ATPAF2: variants seen among roughly 807,000 people sequenced by gnomAD.
The protein encoded by ATPAF2 is ATP synthase mitochondrial F1 complex assembly factor 2, also known as ATP12 homolog.
ATPAF2 carries 30 observed loss-of-function variants against 36.6 expected under a neutral mutation model. That is an observed-to-expected ratio of 0.82 (90% confidence interval 0.61 to 1.11). The LOEUF (loss-of-function observed/expected upper bound fraction) is 1.11, where lower values mean the gene tolerates loss of function less well. Ranked by LOEUF, ATPAF2 falls within the 50% of genes most tolerant of loss-of-function variation. ATPAF2 has a pLI of 0.00. For synonymous variants in ATPAF2, 140 were observed against 152.6 expected, an observed-to-expected ratio of 0.92 and a Z score of 0.61; for missense variants, 321 against 372.3, an observed-to-expected ratio of 0.86 and a Z score of 1.13.
chr17:18,020,108 TTTTG>T (rs60778568), intron 7 of ATPAF2, among the ~76,000 whole-genome samples: 5 of 151,434 alleles, frequency 3.3e-5, no homozygotes, highest in African/African-American at 4.9e-5. Flanking sequence ...TTTTGTGTTT[TTTTG>T]TTTGTTTGTT....
chr17:18,027,960 G>A, intron 3 of ATPAF2: 1 of 493,040 alleles, frequency 2.0e-6, no homozygotes, highest in Non-Finnish European at 3.7e-6. Flanking sequence ...TAGAAAATAA[G>A]AGAGCTGGGC....
chr17:18,016,139 C>T (rs770452171), downstream of ATPAF2: 14 of 1,613,754 alleles, frequency 8.7e-6, no homozygotes, highest in Admixed American at 6.7e-5. Flanking sequence ...GATTGACAAT[C>T]GAGAAGATGA....
chr17:18,024,481 A>C lies in ATPAF2; in HGVS notation c.503+143T>G. ...GGATGACCCTATCCCTGATCATATG[A>C]GGGGAGCCAAATCCCACGAGTGCTC... On this transcript the variant is annotated intron_variant, in intron 5 of 7. Coordinates refer to ENST00000474627, the MANE Select transcript of ATPAF2 (RefSeq NM_145691.4). The C allele has an allele frequency of 4.1e-6, 3 of 736,734 alleles. No individual in the cohort carries two copies. The African/African-American group carries it at 5.2e-5, about 13-fold the overall frequency. 45.6% of individuals were successfully genotyped at this position (736,734 alleles called of 1,614,324 possible). A position where few individuals can be genotyped will look rare whatever the true frequency, so the allele number is the denominator to read the frequency against.
intron 1 of ATPAF2, among the ~76,000 whole-genome samples, chr17:18,030,320 C>CAAAAAAAAAAAAA (rs1162130285): frequency 9.4e-5 from 6 of 64,112 alleles, no homozygotes; most frequent in Admixed American, 2.1e-4. Context: ...GACTCCATCT[C>CAAAAAAAAAAAAA]AAAAAAAAAA....
At chr17:18,032,836 ATT>A (rs562389150) in intron 1 of ATPAF2, among the ~76,000 whole-genome samples, 34 of 139,830 alleles carry the variant, frequency 2.4e-4, no homozygotes, top group Admixed American at 5.8e-4. Flanking sequence ...GATTGATTCA[ATT>A]TTTTTTTTTT....
intron 1 of ATPAF2, among the ~76,000 whole-genome samples, chr17:18,030,947 G>A (rs1597675415): frequency 8.4e-6 from 1 of 118,810 alleles, no homozygotes; most frequent in African/African-American, 3.3e-5. Context: ...TGCTGGGATT[G>A]CAGGCGTGAG....
intron 7 of ATPAF2, 85 bp from the exon 8 acceptor site, chr17:18,018,771 T>C (rs931045164): frequency 6.2e-6 from 10 of 1,601,918 alleles, no homozygotes; most frequent in Middle Eastern, 1.6e-4. Context: ...TTCCAATAGG[T>C]TGGCTGAGGG....
At chr17:18,020,305 T>C (rs2044451039) in intron 7 of ATPAF2, among the ~76,000 whole-genome samples, 1 of 152,246 alleles carries the variant, frequency 6.6e-6, no homozygotes, top group African/African-American at 2.4e-5. Flanking sequence ...GCTACCCCTA[T>C]GCTCCTCTGC....
Position 18,018,588 on chromosome 17 carries a change from G to C in ATPAF2, c.831C>G (p.Ser277=). ...AAGTLFIHLC[S]ESTTVKHKLL... Reference sequence around the variant, plus strand: ...GCTTGTGCTTGACTGTGGTGCTCTCGGAGCAGAGATGGATGAAGAGGGTGC... The same window carrying C: ...GCTTGTGCTTGACTGTGGTGCTCTCCGAGCAGAGATGGATGAAGAGGGTGC... The change falls in exon 8 of 8, where the codon TCC becomes TCG. Residue 277 remains serine (S), a synonymous_variant. Coordinates refer to ENST00000474627, the MANE Select transcript of ATPAF2 (RefSeq NM_145691.4). 1 of 1,613,952 alleles carries C rather than the reference G, an allele frequency of 6.2e-7. No homozygotes were observed. Among genetic ancestry groups the C allele is most frequent in the Non-Finnish European group, 8.5e-7 (1 of 1,180,036 alleles).
downstream of ATPAF2, among the ~76,000 whole-genome samples, chr17:18,017,295 C>T (rs1333075886): frequency 6.6e-6 from 1 of 150,838 alleles, no homozygotes; most frequent in African/African-American, 2.4e-5. Flanking sequence ...GCACTGCCAT[C>T]AGCTAGATTC....
chr17:18,034,917 C>CATTG (rs1347924523), intron 1 of ATPAF2, among the ~76,000 whole-genome samples: 1 of 152,136 alleles, frequency 6.6e-6, no homozygotes, highest in Non-Finnish European at 1.5e-5. Flanking sequence ...AGAATGGAGT[C>CATTG]ATTGATACAT....
chr17:18,032,941 G>C (rs576417684), intron 1 of ATPAF2, among the ~76,000 whole-genome samples: 2 of 151,700 alleles, frequency 1.3e-5, no homozygotes, highest in Non-Finnish European at 2.9e-5. Flanking sequence ...TTGTGGACTA[G>C]ACAGATGGTC....
chr17:18,016,045 G>A (rs1457275102), downstream of ATPAF2: 1 of 1,612,204 alleles, frequency 6.2e-7, no homozygotes, highest in South Asian at 1.1e-5. Flanking sequence ...TTTCTCATTG[G>A]ATTCTTTTCA....
Position 18,021,108 on chromosome 17 carries a change from G to A in ATPAF2, c.732+15C>T. The A allele has an allele frequency of 6.2e-7, 1 of 1,607,840 alleles. No individual in the cohort carries two copies. Among genetic ancestry groups the A allele is most frequent in the Non-Finnish European group, 8.5e-7 (1 of 1,177,012 alleles). On this transcript the variant is annotated intron_variant, in intron 7 of 7. Transcript: ENST00000474627. ...CTAGGAAGGGGGAGGCGGGACCTGA[G>A]GTGCTGCTCCTCACCTGGTACTCCT...
chr17:18,021,080 G>C, intron 7 of ATPAF2, 43 bp downstream of exon 7: 1 of 1,589,936 alleles, frequency 6.3e-7, no homozygotes. Flanking sequence ...AAGTGAGTCT[G>C]AACTAGGAAG....
chr17:18,022,281 G>A (rs1225261003), intron 5 of ATPAF2, among the ~76,000 whole-genome samples: 2 of 152,174 alleles, frequency 1.3e-5, no homozygotes, highest in Non-Finnish European at 2.9e-5. Flanking sequence ...CATATATCAT[G>A]GAGGTTTTCT....
chr17:18,037,658 G>A (rs1342775890), intron 1 of ATPAF2, among the ~76,000 whole-genome samples: 1 of 152,182 alleles, frequency 6.6e-6, no homozygotes, highest in Non-Finnish European at 1.5e-5. Flanking sequence ...AGGCAACCTA[G>A]TACTTCAACG....
At chr17:18,036,814 T>G (rs1049318420) in intron 1 of ATPAF2, among the ~76,000 whole-genome samples, 2 of 152,214 alleles carry the variant, frequency 1.3e-5, no homozygotes, top group African/African-American at 4.8e-5. Flanking sequence ...GGCTCACGCC[T>G]GTAATCCCAG....
At chr17:18,033,860 T>A (rs1390366919) in intron 1 of ATPAF2, among the ~76,000 whole-genome samples, 1 of 150,696 alleles carries the variant, frequency 6.6e-6, no homozygotes, top group African/African-American at 2.4e-5. Flanking sequence ...TGGCTCGAGC[T>A]TGTAATCCCA....
Sources: allele counts gnomAD v4.1 joint callset (sites outside exome capture counted in the v4.1 genomes callset), GRCh38; gene constraint gnomAD v4.1.1; transcripts MANE v1.5; gene names NCBI Gene and HGNC (gene_info 2026-07-23, HGNC 2026-07-21).